Variants in SEC22A observed in about 807,000 individuals in gnomAD.
SEC22A encodes the protein vesicle-trafficking protein SEC22a.
Under a neutral mutation model 35.3 loss-of-function variants are expected in SEC22A, and 22 were observed. The observed-to-expected ratio is 0.62, with a 90% CI of 0.45 to 0.89. SEC22A has a LOEUF of 0.89. Among genes scored for constraint, SEC22A ranks in the 40% least tolerant of loss-of-function variants. The pLI, the probability that SEC22A is intolerant of heterozygous loss-of-function variation, is 0.00. For synonymous variants in SEC22A, 119 were observed against 129.5 expected, an observed-to-expected ratio of 0.92 and a Z score of 0.55; for missense variants, 354 against 362.5, an observed-to-expected ratio of 0.98 and a Z score of 0.19.
chr3:123,241,479 A>C (rs1037137133), intron 4 of SEC22A, among the ~76,000 whole-genome samples: 6 of 152,158 alleles, frequency 3.9e-5, no homozygotes, highest in African/African-American at 1.4e-4. Context: ...ATCTCTTTGA[A>C]TCGTCATAAG....
chr3:123,265,874 G>C (rs1157944903), intron 6 of SEC22A, among the ~76,000 whole-genome samples: 1 of 152,050 alleles, frequency 6.6e-6, no homozygotes, highest in Admixed American at 6.6e-5. Context: ...TTATTTCTGG[G>C]TTCTGTATTT....
At chr3:123,212,044 C>A (rs893167830) in intron 2 of SEC22A, among the ~76,000 whole-genome samples, 2 of 152,022 alleles carry the variant, frequency 1.3e-5, no homozygotes, top group Non-Finnish European at 2.9e-5. Flanking sequence ...CAGAGCAAGA[C>A]CCTGTCTCAA....
chr3:123,232,968 A>C (rs1937347333), intron 4 of SEC22A, among the ~76,000 whole-genome samples: 1 of 152,102 alleles, frequency 6.6e-6, no homozygotes, highest in Non-Finnish European at 1.5e-5. Flanking sequence ...CCCCATCTCT[A>C]CAAAAAATTT....
intron 4 of SEC22A, among the ~76,000 whole-genome samples, chr3:123,226,418 G>A (rs1474915376): frequency 1.3e-5 from 2 of 152,134 alleles, no homozygotes; most frequent in African/African-American, 4.8e-5. Context: ...TCTCGTTGTA[G>A]TTTTGTTTTG....
At chr3:123,259,741 C>T in intron 6 of SEC22A, 152 bp downstream of exon 6, 1 of 649,142 alleles carries the variant, frequency 1.5e-6, no homozygotes, top group Admixed American at 2.8e-5. Flanking sequence ...TGACCTATGT[C>T]TCCATTTTGA....
intron 5 of SEC22A, among the ~76,000 whole-genome samples, chr3:123,255,310 A>G (rs1442534698): frequency 2.0e-5 from 3 of 150,858 alleles, no homozygotes; most frequent in South Asian, 2.1e-4. Context: ...TTCTCTTCCT[A>G]TTCCTCAGTT....
At chr3:123,236,420 T>C (rs1482168678) in intron 4 of SEC22A, among the ~76,000 whole-genome samples, 1 of 152,140 alleles carries the variant, frequency 6.6e-6, no homozygotes, top group Admixed American at 6.5e-5. Context: ...TCCAACAAGA[T>C]TACTAAGAAT....
chr3:123,234,397 CTG>C, intron 4 of SEC22A, among the ~76,000 whole-genome samples: 3 of 152,222 alleles, frequency 2.0e-5, no homozygotes, highest in Non-Finnish European at 2.9e-5. Flanking sequence ...ATTATCATGA[CTG>C]TGTGGTTCTA....
chr3:123,223,524 T>G, intron 2 of SEC22A, 35 bp from the exon 3 acceptor site: 1 of 1,568,834 alleles, frequency 6.4e-7, no homozygotes, highest in African/African-American at 1.4e-5. Flanking sequence ...TTGATTTAAT[T>G]TGAAATTTTA....
chr3:123,271,363 T>C (rs1340661655), intron 6 of SEC22A, among the ~76,000 whole-genome samples, 159 bp from the exon 7 acceptor site: 1 of 152,236 alleles, frequency 6.6e-6, no homozygotes, highest in African/African-American at 2.4e-5. Context: ...CTTTCATAGC[T>C]GAATGTCTTA....
chr3:123,212,409 G>A (rs1006127993), intron 2 of SEC22A, among the ~76,000 whole-genome samples: 9 of 152,098 alleles, frequency 5.9e-5, no homozygotes, highest in African/African-American at 2.2e-4. Flanking sequence ...CTCTGTTAGT[G>A]TCCTGGGTCA....
At chr3:123,245,854 G>T (rs1937561545) in intron 4 of SEC22A, 45 bp from the exon 5 acceptor site, 3 of 1,048,072 alleles carry the variant, frequency 2.9e-6, no homozygotes, top group African/African-American at 3.2e-5. Flanking sequence ...GTTCATCTTT[G>T]TGAGGTATTG....
At position 123,272,320 on chromosome 3, in the gene SEC22A, G is replaced by C. The variant is rs1425789637; in HGVS notation, c.*598G>C. The stretch of plus-strand genomic sequence containing the variant: ...AGAAGACTGTGATGAGCTCGTCTGT[G>C]GAACATCACAAGTATCGAAAATACA... On this transcript the variant is annotated 3_prime_UTR_variant, in exon 7 of 7. Transcript: ENST00000492595. The C allele has an allele frequency of 6.6e-6, 1 of 152,240 alleles. No homozygotes were observed. The highest frequency in any genetic ancestry group is 6.5e-5 in the Admixed American group (1 of 15,284). 9.4% of individuals were successfully genotyped at this position (152,240 alleles called of 1,614,324 possible).
At chr3:123,228,588 AAAAAAAG>A (rs1416053591) in intron 4 of SEC22A, among the ~76,000 whole-genome samples, 1 of 151,292 alleles carries the variant, frequency 6.6e-6, no homozygotes. Context: ...AAAAAAAAAA[AAAAAAAG>A]AAAGAAAATA....
chr3:123,217,042 T>C (rs1937038570), intron 2 of SEC22A, among the ~76,000 whole-genome samples: 1 of 152,080 alleles, frequency 6.6e-6, no homozygotes, highest in Admixed American at 6.5e-5. Flanking sequence ...TTGTCTAGGC[T>C]GGTCTCTAAC....
intron 1 of SEC22A, among the ~76,000 whole-genome samples, chr3:123,206,983 G>A (rs539265654): frequency 1.2e-4 from 18 of 152,288 alleles, no homozygotes; most frequent in African/African-American, 4.3e-4. Context: ...AGCTACTCGC[G>A]AGGCTGAGGC....
At chr3:123,220,126 A>C (rs991284914) in intron 2 of SEC22A, among the ~76,000 whole-genome samples, 4 of 152,204 alleles carry the variant, frequency 2.6e-5, no homozygotes, top group African/African-American at 9.7e-5. Flanking sequence ...TACATTTAGC[A>C]CAAGTAAGAT....
At chr3:123,248,459 A>G (rs1937583579) in intron 5 of SEC22A, among the ~76,000 whole-genome samples, 1 of 152,220 alleles carries the variant, frequency 6.6e-6, no homozygotes, top group African/African-American at 2.4e-5. Flanking sequence ...AAAATTTGAA[A>G]TTAAAAATAT....
At chr3:123,240,558 G>A (rs1937511028) in intron 4 of SEC22A, among the ~76,000 whole-genome samples, 1 of 152,220 alleles carries the variant, frequency 6.6e-6, no homozygotes, top group East Asian at 1.9e-4. Flanking sequence ...ACGTAAACTT[G>A]TTTCAGTTTT....
Sources: allele counts gnomAD v4.1 joint callset (sites outside exome capture counted in the v4.1 genomes callset), GRCh38; gene constraint gnomAD v4.1.1; transcripts MANE v1.5; gene names NCBI Gene and HGNC (gene_info 2026-07-23, HGNC 2026-07-21).